The following NDUFB4 variants were observed in gnomAD, a reference collection of about 807,000 sequenced individuals.
NDUFB4 encodes NADH dehydrogenase [ubiquinone] 1 beta subcomplex subunit 4.
Under a neutral mutation model 14.5 loss-of-function variants are expected in NDUFB4, and 10 were observed. That is an observed-to-expected ratio of 0.69 (90% CI 0.43 to 1.17). The LOEUF is 1.17. Among genes scored for constraint, NDUFB4 ranks in the 50% most tolerant of loss-of-function variants. The probability of loss-of-function intolerance (pLI) is 0.00; values close to 1 mark genes in which losing one functional copy is unlikely to be tolerated. For missense variants in NDUFB4, 165 were observed against 161.1 expected (o/e 1.02, Z -0.13); for synonymous variants, 65 against 63.4 (o/e 1.03, Z -0.12).
At chr3:120,600,164 C>G (rs1234562041) in intron 1 of NDUFB4, among the ~76,000 whole-genome samples, 1 of 132,418 alleles carries the variant, frequency 7.6e-6, no homozygotes, top group Non-Finnish European at 1.6e-5. Context: ...CTGATTATCT[C>G]AGGGTAAATT....
chr3:120,601,929 T>G, intron 2 of NDUFB4: 8 of 1,174,030 alleles, frequency 6.8e-6, no homozygotes, highest in Non-Finnish European at 8.4e-6. Context: ...TATGGGATAA[T>G]ATATTTCTAA....
Position 120,601,206 on chromosome 3 carries a change from G to A in NDUFB4, c.276G>A (p.Leu92=), listed in dbSNP as rs756414842. The stretch of plus-strand genomic sequence containing the variant: ...CTAAAAACTCACTCATGGGAGCTCT[G>A]TGTGGATTTGGGCCCCTCATCTTCA... ...PTPKNSLMGA[L]CGFGPLIFIY... Residue 92 remains leucine, a synonymous_variant, in exon 2 of 3, where the codon CTG becomes CTA. Coordinates refer to ENST00000184266, the MANE Select transcript of NDUFB4 (RefSeq NM_004547.6). 3.1e-6 allele frequency: 5 copies of A among 1,613,926 alleles called. No homozygotes were observed. Among genetic ancestry groups the A allele is most frequent in the African/African-American group, 1.3e-5 (1 of 74,916 alleles).
intron 2 of NDUFB4, 51 bp from the exon 3 acceptor site, chr3:120,602,157 C>T (rs770787032): frequency 5.7e-6 from 9 of 1,583,992 alleles, no homozygotes; most frequent in Non-Finnish European, 7.7e-6. Flanking sequence ...TCTAATATAG[C>T]CAACTGGCAG....
At position 120,596,374 on chromosome 3, in the gene NDUFB4, G is replaced by C. The variant is rs1270634163; in HGVS notation, c.15G>C (p.Lys5Asn). 3 of 1,614,162 alleles carry C rather than the reference G, an allele frequency of 1.9e-6. No homozygotes were observed. The East Asian group carries it at 6.7e-5, about 36-fold the overall frequency. Residue 5 changes from lysine (K) to asparagine (N), a missense_variant, in exon 1 of 3, where the codon AAG (lysine) becomes AAC (asparagine). Transcript: ENST00000184266. Reference protein sequence around the residue: MSFPKYKPSSLRTLP... With the variant: MSFPNYKPSSLRTLP... ...GGTTCGCCAAGATGTCGTTCCCAAA[G>C]TATAAGCCGTCGAGCCTGCGCACTC... is the stretch of plus-strand genomic sequence containing the variant.
At position 120,602,353 on chromosome 3, in the gene NDUFB4, T is replaced by C; in HGVS notation, c.*83T>C. 2.3e-6 allele frequency: 3 copies of C among 1,310,788 alleles called. No individual in the cohort carries two copies. The highest frequency in any genetic ancestry group is 3.2e-6 in the Non-Finnish European group (3 of 936,296). 81.2% of individuals were successfully genotyped at this position (1,310,788 alleles called of 1,614,324 possible). ...AGTAGTAGTTTCTCTTTCTTAGTAT[T>C]ACCTTGATTCAATGTTAAAAACTAT... is the stretch of plus-strand genomic sequence containing the variant. On this transcript the variant is annotated 3_prime_UTR_variant, in exon 3 of 3. Coordinates refer to ENST00000184266, the MANE Select transcript of NDUFB4 (RefSeq NM_004547.6).
At chr3:120,602,079 T>C (rs1410658153) in intron 2 of NDUFB4, 129 bp from the exon 3 acceptor site, 39 of 1,485,698 alleles carry the variant, frequency 2.6e-5, no homozygotes, top group Non-Finnish European at 3.3e-5. Flanking sequence ...TTTCATTCTG[T>C]TTGTCAGTTG....
intron 1 of NDUFB4, among the ~76,000 whole-genome samples, chr3:120,599,600 T>C (rs1940023571): frequency 6.6e-6 from 1 of 152,102 alleles, no homozygotes; most frequent in South Asian, 2.1e-4. Flanking sequence ...CACTGGACTT[T>C]TAGTGATGTC....
intron 1 of NDUFB4, chr3:120,600,832 T>C (rs989927430): frequency 8.3e-6 from 3 of 363,612 alleles, no homozygotes; most frequent in Admixed American, 4.6e-5. Context: ...TAGATTAGGT[T>C]AGATTAGTTA....
At chr3:120,596,560 G>C (rs1337153607) in intron 1 of NDUFB4, 21 bp downstream of exon 1, 1 of 1,610,952 alleles carries the variant, frequency 6.2e-7, no homozygotes, top group Admixed American at 1.7e-5. Flanking sequence ...GGCCTCCCAG[G>C]CGGGAATAGG....
In NDUFB4 at chr3:120,596,346, C is replaced by G; in HGVS notation, c.-14C>G. On this transcript the variant is annotated 5_prime_UTR_variant, in exon 1 of 3. Coordinates refer to ENST00000184266, the MANE Select transcript of NDUFB4 (RefSeq NM_004547.6). ...CAGAATCGCGCAGGCGCAATTGTGC[C>G]CTGGTTCGCCAAGATGTCGTTCCCA... is the stretch of plus-strand genomic sequence containing the variant. The G allele has an allele frequency of 6.2e-7, 1 of 1,613,678 alleles. No homozygotes were observed. Among genetic ancestry groups the G allele is most frequent in the Non-Finnish European group, 8.5e-7 (1 of 1,179,836 alleles).
intron 1 of NDUFB4, among the ~76,000 whole-genome samples, chr3:120,600,456 TTTC>T (rs1325031527): frequency 6.6e-6 from 1 of 152,158 alleles, no homozygotes; most frequent in Non-Finnish European, 1.5e-5. Flanking sequence ...GGACAATTAT[TTTC>T]TTAAGACAGT....
intron 2 of NDUFB4, chr3:120,601,559 A>G (rs546403781): frequency 5.0e-6 from 6 of 1,208,976 alleles, no homozygotes; most frequent in African/African-American, 1.6e-5. Context: ...CGTGAATTCT[A>G]TTTATGTTGG....
intron 1 of NDUFB4, among the ~76,000 whole-genome samples, chr3:120,599,727 C>T (rs1047702350): frequency 6.6e-5 from 10 of 152,082 alleles, no homozygotes; most frequent in African/African-American, 2.4e-4. Context: ...ATGTCTGTTT[C>T]TGGAAGACAG....
At chr3:120,601,944 T>G in intron 2 of NDUFB4, 9 of 1,210,990 alleles carry the variant, frequency 7.4e-6, no homozygotes, top group Non-Finnish European at 9.2e-6. Flanking sequence ...TTCTAATGAC[T>G]AAAATGTGAG....
intron 1 of NDUFB4, among the ~76,000 whole-genome samples, chr3:120,599,476 A>G (rs1016698301): frequency 3.9e-5 from 6 of 152,150 alleles, no homozygotes; most frequent in African/African-American, 1.4e-4. Flanking sequence ...GAGCAAAGAA[A>G]TGAAGAGAGA....
intron 1 of NDUFB4, among the ~76,000 whole-genome samples, chr3:120,598,756 A>T (rs1940008601): frequency 6.6e-6 from 1 of 152,160 alleles, no homozygotes; most frequent in South Asian, 2.1e-4. Context: ...GCCATTAGGC[A>T]GGAGAGTGTC....
At chr3:120,602,023 C>G (rs1940072664) in intron 2 of NDUFB4, 185 bp from the exon 3 acceptor site, 20 of 1,340,992 alleles carry the variant, frequency 1.5e-5, no homozygotes, top group Admixed American at 3.7e-5. Flanking sequence ...TTTCTTCGCA[C>G]ACTCCCTGGG....
rs1245839625 is a variant in NDUFB4 at position 120,602,188 on chromosome 3, C to CT, written c.328-13dup. 1.2e-6 allele frequency: 2 copies of CT among 1,601,782 alleles called. No homozygotes were observed. The highest frequency in any genetic ancestry group is 1.7e-6 in the Non-Finnish European group (2 of 1,177,182). ...GGCAGAATATATTGTCTTTAATGTA[C>CT]TTTTTTTCTGTCTTTACAGGATAGG... On this transcript the variant is annotated intron_variant, in intron 2 of 2. Transcript: ENST00000184266.
chr3:120,599,631 A>G (rs989204337), intron 1 of NDUFB4, among the ~76,000 whole-genome samples: 7 of 152,150 alleles, frequency 4.6e-5, no homozygotes, highest in African/African-American at 1.7e-4. Context: ...AACTCTCTTC[A>G]TAGTGTGTCT....
Sources: allele counts gnomAD v4.1 joint callset (sites outside exome capture counted in the v4.1 genomes callset), GRCh38; gene constraint gnomAD v4.1.1; transcripts MANE v1.5; gene names NCBI Gene and HGNC (gene_info 2026-07-23, HGNC 2026-07-21).